The following KDM5A variants were observed in gnomAD, a reference collection of about 807,000 sequenced individuals.
KDM5A encodes the protein lysine-specific demethylase 5A.
KDM5A carries 42 observed loss-of-function variants against 193.5 expected under a neutral mutation model. The ratio of observed to expected loss-of-function variants is 0.22; its 90% CI spans 0.17 to 0.28. The LOEUF (loss-of-function observed/expected upper bound fraction) is 0.28. Ranked by LOEUF, KDM5A falls within the 10% of genes least tolerant of loss-of-function variation. KDM5A has a pLI of 1.00. For missense variants in KDM5A, 1,692 were observed against 2,055.1 expected (o/e 0.82, Z 3.42); for synonymous variants, 796 against 718.1 (o/e 1.11, Z -1.73).
At chr12:366,975 T>G (rs1028114403) in intron 3 of KDM5A, among the ~76,000 whole-genome samples, 2 of 152,238 alleles carry the variant, frequency 1.3e-5, no homozygotes, top group Non-Finnish European at 2.9e-5. Context: ...CCTACAGTAT[T>G]CAGTAGAGTA....
rs1943180168 is a variant in KDM5A, at chr12:283,493, GTAGT to G, written c.*1959_*1962del. 4.3e-6 allele frequency: 1 copy of G among 232,812 alleles called. No homozygotes were observed. The highest frequency in any genetic ancestry group is 5.6e-5 in the Admixed American group (1 of 17,758). 14.4% of individuals were successfully genotyped at this position (232,812 alleles called of 1,614,324 possible). A position where few individuals can be genotyped will look rare whatever the true frequency, so the allele number is the denominator to read the frequency against. On this transcript the variant is annotated 3_prime_UTR_variant, in exon 28 of 28. Coordinates refer to ENST00000399788, the MANE Select transcript of KDM5A (RefSeq NM_001042603.3). ...AGTATTAAGAATGAATAAAAAGTAG[GTAGT>G]ATGAACTTCAGAGAAAACATTTACA...
rs200009360 is a variant in KDM5A, at chr12:313,222, A to G, written c.2898-28T>C. 1.2e-4 allele frequency: 200 copies of G among 1,612,586 alleles called. 1 individual carries two copies. The African/African-American group carries it at 2.4e-3, about 19-fold the overall frequency. On this transcript the variant is annotated intron_variant, in intron 19 of 27. Coordinates refer to ENST00000399788, the MANE Select transcript of KDM5A (RefSeq NM_001042603.3). Reference sequence around the variant, plus strand: ...AAAAGAACAATAAAAACAGAGTAGGATGCATGAGAAATCAACATTTAAGTA... The same window carrying G: ...AAAAGAACAATAAAAACAGAGTAGGGTGCATGAGAAATCAACATTTAAGTA...
chr12:377,603 T>C (rs1944523080), intron 3 of KDM5A, among the ~76,000 whole-genome samples: 1 of 152,180 alleles, frequency 6.6e-6, no homozygotes, highest in African/African-American at 2.4e-5. Flanking sequence ...ATCTAGACTT[T>C]TAAACCCTAC....
At chr12:352,694 G>A (rs1944178486) in intron 8 of KDM5A, among the ~76,000 whole-genome samples, 1 of 152,178 alleles carries the variant, frequency 6.6e-6, no homozygotes, top group African/African-American at 2.4e-5. Flanking sequence ...GTTCATGGAG[G>A]AAGGAAAGGT....
At chr12:336,906 A>G (rs770323315) in intron 10 of KDM5A, among the ~76,000 whole-genome samples, 3 of 152,172 alleles carry the variant, frequency 2.0e-5, no homozygotes, top group Admixed American at 1.3e-4. Context: ...GAGAAAATAC[A>G]GTTCTTCAGA....
At chr12:289,907 CTTTTTTTTT>C (rs750918968) in intron 27 of KDM5A, among the ~76,000 whole-genome samples, 1 of 99,658 alleles carries the variant, frequency 1.0e-5, no homozygotes, top group Non-Finnish European at 1.9e-5. Context: ...TTCTTTCTTT[CTTTTTTTTT>C]TTTTTTTTTT....
At chr12:344,654 G>T (rs7305580) in intron 10 of KDM5A, among the ~76,000 whole-genome samples, 63,186 of 151,876 alleles carry the variant, frequency 0.42, 15,473 homozygotes, top group African/African-American at 0.68. Flanking sequence ...GAATTTCATA[G>T]CCAGCCAAAC....
At chr12:388,393 A>G in intron 1 of KDM5A, 1 of 435,930 alleles carries the variant, frequency 2.3e-6, no homozygotes, top group Admixed American at 2.6e-5. Flanking sequence ...AAATTTTAGA[A>G]TTATTGCTGC....
Position 321,034 on chromosome 12 carries a change from A to G in KDM5A, c.2502T>C (p.Phe834=). ...CTTGGCTGATGACACACGGAAGACTAAAAAGTTGTTGGACAAAGGCCTTCA... is the reference window on the plus strand; with the variant it reads ...CTTGGCTGATGACACACGGAAGACTGAAAAGTTGTTGGACAAAGGCCTTCA... ...EELKAFVQQL[F]SLPCVISQAR... The change falls in exon 18 of 28, where the codon TTT becomes TTC. Residue 834 remains phenylalanine (F), a synonymous_variant. Transcript: ENST00000399788. 6.2e-7 allele frequency: 1 copy of G among 1,614,060 alleles called. No homozygotes were observed. The highest frequency in any genetic ancestry group is 8.5e-7 in the Non-Finnish European group (1 of 1,179,890).
chr12:282,206 T>C lies in KDM5A; in HGVS notation c.*3250A>G, dbSNP rs1943163107. 11 of 244,864 alleles carry C rather than the reference T, an allele frequency of 4.5e-5. No individual in the cohort carries two copies. The South Asian group carries it at 1.3e-3, about 29-fold the overall frequency. 15.2% of individuals were successfully genotyped at this position (244,864 alleles called of 1,614,324 possible). ...GACAGACAGACACATGGGGTCTCGCTGTTGACCAGGCGGGACTCAAACTCA... is the reference window on the plus strand; with the variant it reads ...GACAGACAGACACATGGGGTCTCGCCGTTGACCAGGCGGGACTCAAACTCA... On this transcript the variant is annotated 3_prime_UTR_variant, in exon 28 of 28. Transcript: ENST00000399788.
At chr12:350,843 A>T in intron 9 of KDM5A, 64 bp from the exon 10 acceptor site, 1 of 1,398,060 alleles carries the variant, frequency 7.2e-7, no homozygotes, top group African/African-American at 1.4e-5. Flanking sequence ...ATATAACATA[A>T]TACACAGGAT....
chr12:388,677 G>A, intron 1 of KDM5A: 1 of 577,186 alleles, frequency 1.7e-6, no homozygotes, highest in African/African-American at 1.9e-5. Context: ...TTAGGCCCAC[G>A]GCTGAGAGAA....
chr12:352,589 G>C (rs901152230), intron 8 of KDM5A, among the ~76,000 whole-genome samples: 9 of 152,174 alleles, frequency 5.9e-5, no homozygotes, highest in African/African-American at 1.9e-4. Context: ...CTGGCACTAA[G>C]ACAAGCATCT....
At chr12:297,899 T>C (rs1943393470) in intron 24 of KDM5A, among the ~76,000 whole-genome samples, 1 of 152,178 alleles carries the variant, frequency 6.6e-6, no homozygotes, top group Non-Finnish European at 1.5e-5. Context: ...TGTCCAGGAA[T>C]ATAATGACTA....
At chr12:292,700 G>A (rs1411998926) in intron 27 of KDM5A, 59 bp downstream of exon 27, 23 of 1,607,270 alleles carry the variant, frequency 1.4e-5, no homozygotes, top group African/African-American at 2.7e-5. Flanking sequence ...TCAAACATGT[G>A]TCTCCACAAC....
At chr12:296,961 G>A (rs1943381273) in intron 25 of KDM5A, 80 bp downstream of exon 25, 2 of 1,406,106 alleles carry the variant, frequency 1.4e-6, no homozygotes, top group Admixed American at 1.7e-5. Context: ...TCGAAATGGA[G>A]TCACAGTCTT....
chr12:345,546 A>G (rs1223408026), intron 10 of KDM5A, among the ~76,000 whole-genome samples: 1 of 152,236 alleles, frequency 6.6e-6, no homozygotes. Context: ...GAAAAAGAAC[A>G]GAAATCATAA....
At chr12:321,169 G>T in intron 17 of KDM5A, 60 bp from the exon 18 acceptor site, 1 of 1,173,976 alleles carries the variant, frequency 8.5e-7, no homozygotes, top group African/African-American at 1.5e-5. Flanking sequence ...GATATCAAAA[G>T]GGCTCCTAGT....
chr12:379,537 A>T (rs1414410445), intron 3 of KDM5A, among the ~76,000 whole-genome samples: 1 of 152,230 alleles, frequency 6.6e-6, no homozygotes, highest in Non-Finnish European at 1.5e-5. Context: ...TTACACCTCA[A>T]TGTAAAAGAA....
Sources: gnomAD v4.1 joint callset for allele counts (sites outside exome capture counted in the v4.1 genomes callset) on GRCh38, gnomAD v4.1.1 for gene constraint, MANE v1.5 for transcripts, NCBI Gene and HGNC (gene_info 2026-07-23, HGNC 2026-07-21) for gene names.